TAB2: variants seen among roughly 807,000 people sequenced by gnomAD.
The protein encoded by TAB2 is TGF-beta activated kinase 1 (MAP3K7) binding protein 2, also known as TGF-beta-activated kinase 1 and MAP3K7-binding protein 2.
A neutral mutation model predicts 65.0 loss-of-function variants in TAB2; 3 were observed. The observed-to-expected ratio is 0.05, with a 90% CI of 0.02 to 0.12. The LOEUF (loss-of-function observed/expected upper bound fraction) is 0.12. TAB2 is among the 10% of genes least tolerant of loss of function. The pLI, the probability that TAB2 is intolerant of heterozygous loss-of-function variation, is 1.00. For missense variants in TAB2, 623 were observed against 840.3 expected, an observed-to-expected ratio of 0.74 and a Z score of 3.20; for synonymous variants, 298 against 285.1, an observed-to-expected ratio of 1.05 and a Z score of -0.46.
chr6:149,296,549 A>G (rs928981147), intron 1 of TAB2, among the ~76,000 whole-genome samples: 3 of 152,136 alleles, frequency 2.0e-5, no homozygotes, highest in African/African-American at 7.2e-5. Context: ...CAGCCTTTTT[A>G]GTTGTCTTCA....
In TAB2 at chr6:149,264,341, C is replaced by T. The variant is rs144628555; in HGVS notation, c.-121+45565C>T. Among the ~76,000 whole-genome samples the T allele has an allele frequency of 4.0e-3, 604 of 152,334 alleles. 5 individuals are homozygous for T. The highest frequency in any genetic ancestry group is 0.013 in the African/African-American group (532 of 41,572). On this transcript the variant is annotated intron_variant, in intron 1 of 1. Transcript: ENST00000606202. ...AGACCAAGTCAAATGAGAGTTCTGA[C>T]ATTAATGGCTAATAATTAGTGACTA... is the stretch of plus-strand genomic sequence containing the variant.
At chr6:149,261,438 TAA>T (rs1241578275) in intron 1 of TAB2, among the ~76,000 whole-genome samples, 1 of 152,224 alleles carries the variant, frequency 6.6e-6, no homozygotes, top group East Asian at 1.9e-4. Context: ...AGAACTATTT[TAA>T]AAAGCATGTG....
intron 6 of TAB2, chr6:149,400,422 A>G (rs1303132985): frequency 6.2e-7 from 1 of 1,614,244 alleles, no homozygotes; most frequent in Admixed American, 1.7e-5. Context: ...AGAAGAAGTC[A>G]AGACTGAGAA....
At chr6:149,272,329 C>T (rs182360049) in intron 1 of TAB2, among the ~76,000 whole-genome samples, 1 of 152,162 alleles carries the variant, frequency 6.6e-6, no homozygotes. Context: ...GGGACTTAAA[C>T]AACGCAGACA....
chr6:149,224,951 A>G (rs370929591), intron 1 of TAB2, among the ~76,000 whole-genome samples: 79 of 152,316 alleles, frequency 5.2e-4, no homozygotes, highest in Middle Eastern at 3.4e-3. Flanking sequence ...TATGTATATA[A>G]AGGATGTTGG....
chr6:149,297,689 T>C (rs181659429), intron 1 of TAB2, among the ~76,000 whole-genome samples: 3 of 152,182 alleles, frequency 2.0e-5, no homozygotes, highest in Admixed American at 2.0e-4. Context: ...TACACTTGGA[T>C]AATTTTTTTT....
At chr6:149,307,761 A>T (rs1170500870) in intron 1 of TAB2, among the ~76,000 whole-genome samples, 1 of 152,210 alleles carries the variant, frequency 6.6e-6, no homozygotes, top group Non-Finnish European at 1.5e-5. Context: ...AACAATTTTG[A>T]ATAATTTTAT....
chr6:149,223,923 C>T (rs903906062), intron 1 of TAB2, among the ~76,000 whole-genome samples: 3 of 152,014 alleles, frequency 2.0e-5, no homozygotes, highest in Admixed American at 6.6e-5. Flanking sequence ...ACTGTAGAGA[C>T]TGTCATAAAT....
chr6:149,384,205 T>C (rs994055988), intron 3 of TAB2, among the ~76,000 whole-genome samples: 1 of 152,230 alleles, frequency 6.6e-6, no homozygotes, highest in African/African-American at 2.4e-5. Flanking sequence ...TTTTTCCAAA[T>C]TGAGAAGGGA....
intron 1 of TAB2, among the ~76,000 whole-genome samples, chr6:149,332,168 T>C (rs574455494): frequency 4.1e-4 from 62 of 152,256 alleles, no homozygotes; most frequent in African/African-American, 1.3e-3. Flanking sequence ...GGAGCCTTTT[T>C]TTTGGATGTG....
chr6:149,248,729 T>C (rs546742815), intron 1 of TAB2, among the ~76,000 whole-genome samples: 1 of 152,284 alleles, frequency 6.6e-6, no homozygotes, highest in South Asian at 2.1e-4. Flanking sequence ...AGGTCTGCTA[T>C]AAAGGGAGTG....
At chr6:149,404,066 T>C (rs997611392) in intron 6 of TAB2, among the ~76,000 whole-genome samples, 1 of 152,202 alleles carries the variant, frequency 6.6e-6, no homozygotes, top group Non-Finnish European at 1.5e-5. Context: ...CATGATCATA[T>C]ATGTTGAAAA....
intron 1 of TAB2, among the ~76,000 whole-genome samples, chr6:149,268,733 G>GT (rs1345086677): frequency 1.3e-5 from 2 of 152,202 alleles, no homozygotes; most frequent in Non-Finnish European, 2.9e-5. Context: ...CTGTGGTGGA[G>GT]TATGCATTCA....
intron 1 of TAB2, among the ~76,000 whole-genome samples, chr6:149,343,467 G>A (rs1380494728): frequency 2.1e-5 from 3 of 142,456 alleles, no homozygotes; most frequent in African/African-American, 8.0e-5. Flanking sequence ...GTGAGACTCC[G>A]TCTCAAAAAA....
chr6:149,300,661 C>T (rs988721396), intron 1 of TAB2, among the ~76,000 whole-genome samples: 2 of 152,196 alleles, frequency 1.3e-5, no homozygotes, highest in Admixed American at 6.5e-5. Flanking sequence ...TTTTACCCCA[C>T]CTTCACCCTC....
intron 3 of TAB2, among the ~76,000 whole-genome samples, chr6:149,392,270 A>G (rs903268950): frequency 6.6e-6 from 1 of 152,070 alleles, no homozygotes. Context: ...CCTTCTGAGT[A>G]GCTGAGATTA....
intron 2 of TAB2, 53 bp from the exon 3 acceptor site, chr6:149,377,965 A>G (rs763324816): frequency 7.2e-7 from 1 of 1,388,626 alleles, no homozygotes; most frequent in African/African-American, 1.4e-5. Flanking sequence ...AGATGCAAAT[A>G]TAAGCATTCG....
chr6:149,340,373 CAATA>C lies in TAB2; in HGVS notation c.-90+22361_-90+22364del, dbSNP rs1780077576. The stretch of plus-strand genomic sequence containing the variant: ...AATTATTAGTAACGTCAAGCTAGTA[CAATA>C]AAGAAGGAACCTTGGACATGAGGTT... On this transcript the variant is annotated intron_variant, in intron 1 of 6. Coordinates refer to ENST00000637181, the MANE Select transcript of TAB2 (RefSeq NM_001292034.3). 2.6e-5 allele frequency among the ~76,000 whole-genome samples: 4 copies of C among 152,158 alleles called. No individual in the cohort carries two copies. The South Asian group carries it at 8.3e-4, about 32-fold the overall frequency.
chr6:149,334,463 G>A lies in TAB2; in HGVS notation c.-90+16448G>A, dbSNP rs938462003. On this transcript the variant is annotated intron_variant, in intron 1 of 6. Coordinates refer to ENST00000637181, the MANE Select transcript of TAB2 (RefSeq NM_001292034.3). ...GAGAGGTTGAGGCAAGAGGATTGCT[G>A]AAGCCAGGAGTTTGAGACCAGCCTG... is the stretch of plus-strand genomic sequence containing the variant. Among the ~76,000 whole-genome samples, 16 of 152,204 alleles carry A rather than the reference G, an allele frequency of 1.1e-4. No homozygotes were observed. The Middle Eastern group carries it at 0.01, about 97-fold the overall frequency.
Sources: allele counts gnomAD v4.1 joint callset (sites outside exome capture counted in the v4.1 genomes callset), GRCh38; gene constraint gnomAD v4.1.1; transcripts MANE v1.5; gene names NCBI Gene and HGNC (gene_info 2026-07-23, HGNC 2026-07-21).